BCL7C: variants seen among roughly 807,000 people sequenced by gnomAD.
BCL7C encodes BAF chromatin remodeling complex subunit BCL7C, also known as B-cell CLL/lymphoma 7 protein family member C.
Under a neutral mutation model 26.2 loss-of-function variants are expected in BCL7C, and 8 were observed. The ratio of observed to expected loss-of-function variants is 0.30; its 90% CI spans 0.18 to 0.55. The LOEUF (loss-of-function observed/expected upper bound fraction) is 0.55. Ranked by LOEUF, BCL7C falls within the 20% of genes least tolerant of loss-of-function variation. The probability of loss-of-function intolerance (pLI) is 0.93; values close to 1 mark genes in which losing one functional copy is unlikely to be tolerated. For synonymous variants in BCL7C, 90 were observed against 116.5 expected (o/e 0.77, Z 1.47); for missense variants, 262 against 298.5 (o/e 0.88, Z 0.90).
intron 5 of BCL7C, among the ~76,000 whole-genome samples, chr16:30,872,861 T>G (rs1245410809): frequency 6.6e-6 from 1 of 152,234 alleles, no homozygotes; most frequent in African/African-American, 2.4e-5. Flanking sequence ...GGTAAAATCA[T>G]GCACTTCTTT....
Position 30,887,889 on chromosome 16 carries a change from G to A in BCL7C, c.630C>T (p.Ile210=). Residue 210 remains isoleucine (I), a synonymous_variant, in exon 6 of 6, where the codon ATC becomes ATT. Transcript: ENST00000215115. ...CTCAGGGGTCAGGGGCATTTGGGCA[G>A]ATGCGCTTGAGTGGGGGGGCACCCT... ...DSEGAPPLKR[I]CPNAPDP 1 of 1,600,244 alleles carries A rather than the reference G, an allele frequency of 6.2e-7. No homozygotes were observed. Among genetic ancestry groups the A allele is most frequent in the Middle Eastern group, 1.7e-4 (1 of 6,020 alleles).
At chr16:30,887,718 C>A (rs1231326262), downstream of BCL7C, 4 of 1,336,940 alleles carry the variant, frequency 3.0e-6, no homozygotes, top group African/African-American at 1.5e-5. Flanking sequence ...GTGACCACAT[C>A]TGAGCAATGG....
chr16:30,888,736 C>A lies in BCL7C; in HGVS notation c.528+124G>T, dbSNP rs1203666820. The A allele has an allele frequency of 9.7e-6, 8 of 822,466 alleles. No individual in the cohort carries two copies. The East Asian group carries it at 2.1e-4, about 22-fold the overall frequency. The allele number at this position is 822,466 out of a possible 1,614,324, so 50.9% of individuals were successfully genotyped here. On this transcript the variant is annotated intron_variant, in intron 5 of 5. Transcript: ENST00000215115. The stretch of plus-strand genomic sequence containing the variant: ...CAGTCCCAAGAACCCAGCCCCTAAG[C>A]CTTCAGCTCTGTCCCAGGTCTGCCT...
At chr16:30,846,799 T>C (rs538981466) in intron 5 of BCL7C, among the ~76,000 whole-genome samples, 13 of 152,330 alleles carry the variant, frequency 8.5e-5, no homozygotes, top group Non-Finnish European at 1.8e-4. Context: ...TTGAGCTCCC[T>C]GCTGAGCTCC....
At chr16:30,876,840 C>T (rs1472597538) in intron 5 of BCL7C, among the ~76,000 whole-genome samples, 1 of 152,140 alleles carries the variant, frequency 6.6e-6, no homozygotes, top group Non-Finnish European at 1.5e-5. Context: ...GAGAGGTGGG[C>T]AGGGGCCAAA....
intron 5 of BCL7C, among the ~76,000 whole-genome samples, chr16:30,845,816 A>C (rs1262389522): frequency 6.6e-6 from 1 of 151,654 alleles, no homozygotes; most frequent in Non-Finnish European, 1.5e-5. Flanking sequence ...TGGGCTCAAG[A>C]GATCCTTCAG....
chr16:30,887,249 C>T (rs1300497790), downstream of BCL7C, among the ~76,000 whole-genome samples: 1 of 151,796 alleles, frequency 6.6e-6, no homozygotes, highest in Non-Finnish European at 1.5e-5. Context: ...GCAGAGTTTG[C>T]AGTGAGGCGA....
intron 5 of BCL7C, chr16:30,851,684 GT>G: frequency 1.4e-6 from 1 of 725,200 alleles, no homozygotes; most frequent in Non-Finnish European, 2.3e-6. Flanking sequence ...AGATGTAATG[GT>G]TTCACTGGGA....
rs1327123208 is a variant in BCL7C at position 30,887,833 on chromosome 16, C to A, written c.*32G>T. 2.6e-6 allele frequency: 4 copies of A among 1,538,192 alleles called. No homozygotes were observed. The highest frequency in any genetic ancestry group is 3.5e-6 in the Non-Finnish European group (4 of 1,149,702). ...TTTATTTGTAAAAAGCCAAAGGGGCCCCTGGGGCAACAGGACAGGCAGGCC... is the reference window on the plus strand; with the variant it reads ...TTTATTTGTAAAAAGCCAAAGGGGCACCTGGGGCAACAGGACAGGCAGGCC... On this transcript the variant is annotated 3_prime_UTR_variant, in exon 6 of 6. Transcript: ENST00000215115.
chr16:30,838,272 C>T (rs2054581150), intron 5 of BCL7C, among the ~76,000 whole-genome samples: 1 of 152,124 alleles, frequency 6.6e-6, no homozygotes, highest in Non-Finnish European at 1.5e-5. Flanking sequence ...ATAATCCCTA[C>T]CCAAAAGGAA....
chr16:30,867,340 A>G (rs1017743724), intron 5 of BCL7C, among the ~76,000 whole-genome samples: 2 of 152,120 alleles, frequency 1.3e-5, no homozygotes, highest in Non-Finnish European at 1.5e-5. Context: ...ATGTTTCATA[A>G]GTGGTAGGCA....
intron 5 of BCL7C, among the ~76,000 whole-genome samples, chr16:30,870,950 A>G (rs940226429): frequency 6.6e-6 from 1 of 152,224 alleles, no homozygotes; most frequent in African/African-American, 2.4e-5. Flanking sequence ...TATCTGTAAT[A>G]TTGGAAGAAT....
intron 5 of BCL7C, among the ~76,000 whole-genome samples, chr16:30,837,841 G>A (rs1367538050): frequency 1.3e-5 from 2 of 152,168 alleles, no homozygotes; most frequent in Non-Finnish European, 2.9e-5. Context: ...TCAGTTGACT[G>A]GCACATGCTA....
At chr16:30,870,247 G>A (rs1358007054) in intron 5 of BCL7C, among the ~76,000 whole-genome samples, 4 of 152,128 alleles carry the variant, frequency 2.6e-5, no homozygotes, top group African/African-American at 7.2e-5. Context: ...CAGGCCTTAC[G>A]ACTCCTGGCC....
chr16:30,863,639 CCTT>C (rs772139576), intron 5 of BCL7C, among the ~76,000 whole-genome samples: 11 of 152,132 alleles, frequency 7.2e-5, no homozygotes, highest in Non-Finnish European at 1.3e-4. Context: ...TAGTTTTTCT[CCTT>C]CTCATCGGTC....
chr16:30,892,737 G>C lies in BCL7C; in HGVS notation c.291C>G (p.Ser97Arg), dbSNP rs1279852412. 1 of 1,614,182 alleles carries C rather than the reference G, an allele frequency of 6.2e-7. No individual in the cohort carries two copies. The highest frequency in any genetic ancestry group is 2.2e-5 in the East Asian group (1 of 44,884). ...LILLDLNDEN[S>R]NQSFHSEGSL... is the part of the protein sequence containing the mutation. ...AACCTTCCGAATGGAAACTCTGGTT[G>C]CTGTTCTCATCTGCGGGAGCAAGAG... The change falls in exon 4 of 6, where the codon AGC (serine) becomes AGG (arginine). Residue 97 changes from serine to arginine, a missense_variant. Coordinates refer to ENST00000215115, the MANE Select transcript of BCL7C (RefSeq NM_004765.4).
At chr16:30,871,104 G>A (rs530771022) in intron 5 of BCL7C, among the ~76,000 whole-genome samples, 3 of 152,218 alleles carry the variant, frequency 2.0e-5, no homozygotes, top group Non-Finnish European at 4.4e-5. Flanking sequence ...AGGGGGAAAG[G>A]TGTCCTGAGT....
intron 5 of BCL7C, among the ~76,000 whole-genome samples, chr16:30,852,493 T>C (rs2054684268): frequency 6.7e-6 from 1 of 150,026 alleles, no homozygotes; most frequent in South Asian, 2.1e-4. Context: ...TTATAACTTT[T>C]TTTTTTTTTT....
At chr16:30,878,866 G>T (rs2054996643) in intron 5 of BCL7C, among the ~76,000 whole-genome samples, 1 of 152,092 alleles carries the variant, frequency 6.6e-6, no homozygotes, top group East Asian at 1.9e-4. Context: ...AAAATGTCAA[G>T]GGTAGAAGGC....
Sources: gnomAD v4.1 joint callset for allele counts (sites outside exome capture counted in the v4.1 genomes callset) on GRCh38, gnomAD v4.1.1 for gene constraint, MANE v1.5 for transcripts, NCBI Gene and HGNC (gene_info 2026-07-23, HGNC 2026-07-21) for gene names.